Variants in ZNF385D observed in about 807,000 individuals in gnomAD.
The protein encoded by ZNF385D is zinc finger protein 385D.
A neutral mutation model predicts 35.8 loss-of-function variants in ZNF385D; 15 were observed. The observed-to-expected ratio is 0.42, with a 90% CI of 0.28 to 0.64. The LOEUF (loss-of-function observed/expected upper bound fraction) is 0.64. Ranked by LOEUF, ZNF385D falls within the 30% of genes least tolerant of loss-of-function variation. ZNF385D has a pLI of 0.23. For missense variants in ZNF385D, 474 were observed against 494.6 expected, an observed-to-expected ratio of 0.96 and a Z score of 0.39; for synonymous variants, 212 against 186.8, an observed-to-expected ratio of 1.13 and a Z score of -1.10.
chr3:22,028,942 T>A (rs1398149544), intron 3 of ZNF385D, among the ~76,000 whole-genome samples: 2 of 152,184 alleles, frequency 1.3e-5, no homozygotes, highest in Admixed American at 6.5e-5. Flanking sequence ...TATATGGTAC[T>A]GTTTCTCCCA....
At chr3:21,811,711 G>A (rs1287121659) in intron 3 of ZNF385D, among the ~76,000 whole-genome samples, 1 of 152,120 alleles carries the variant, frequency 6.6e-6, no homozygotes, top group Non-Finnish European at 1.5e-5. Flanking sequence ...AACACTTGAT[G>A]AGGAAAATTA....
intron 3 of ZNF385D, among the ~76,000 whole-genome samples, chr3:22,167,174 T>G (rs1040725924): frequency 2.6e-5 from 4 of 152,182 alleles, no homozygotes; most frequent in Non-Finnish European, 5.9e-5. Flanking sequence ...AGAATCTGTC[T>G]TCCCATCTGG....
intron 1 of ZNF385D, among the ~76,000 whole-genome samples, chr3:21,681,298 T>TTAA (rs367942289): frequency 3.1e-5 from 2 of 64,486 alleles, no homozygotes; most frequent in African/African-American, 1.1e-4. Context: ...ATTCCATCAG[T>TTAA]AAAAAAAAAA....
intron 3 of ZNF385D, among the ~76,000 whole-genome samples, chr3:22,146,354 C>T (rs980419658): frequency 6.6e-6 from 1 of 152,070 alleles, no homozygotes; most frequent in African/African-American, 2.4e-5. Context: ...TTCCCATTAC[C>T]ATCATTAACT....
chr3:21,458,094 G>C (rs1216828895), intron 4 of ZNF385D, among the ~76,000 whole-genome samples: 1 of 152,022 alleles, frequency 6.6e-6, no homozygotes, highest in African/African-American at 2.4e-5. Context: ...TAGCAATGCA[G>C]GGCAAAAAGA....
At chr3:21,564,822 G>GAAAC (rs2063084522) in intron 2 of ZNF385D, 138 bp from the exon 3 acceptor site, 2 of 418,102 alleles carry the variant, frequency 4.8e-6, no homozygotes, top group Admixed American at 8.7e-5. Flanking sequence ...TTTATTCTAA[G>GAAAC]AAACAACATT....
At chr3:21,784,215 T>C (rs1044542276) in intron 3 of ZNF385D, among the ~76,000 whole-genome samples, 1 of 152,168 alleles carries the variant, frequency 6.6e-6, no homozygotes, top group Non-Finnish European at 1.5e-5. Flanking sequence ...GGCTTCAAAA[T>C]CCATGTTTAA....
chr3:22,143,982 C>T (rs1559404535), intron 3 of ZNF385D, among the ~76,000 whole-genome samples: 3 of 152,068 alleles, frequency 2.0e-5, no homozygotes, highest in Admixed American at 1.3e-4. Context: ...TAAGTATTGT[C>T]AGCTACATTT....
At chr3:21,478,998 G>T (rs1704422668) in intron 4 of ZNF385D, among the ~76,000 whole-genome samples, 1 of 151,630 alleles carries the variant, frequency 6.6e-6, no homozygotes, top group Non-Finnish European at 1.5e-5. Context: ...TAATCATAAA[G>T]AAATATATAA....
At chr3:21,742,877 C>T (rs1174573595) in intron 1 of ZNF385D, among the ~76,000 whole-genome samples, 5 of 152,132 alleles carry the variant, frequency 3.3e-5, no homozygotes, top group Non-Finnish European at 7.3e-5. Flanking sequence ...TAGTTTGACC[C>T]CAACAGGCAA....
chr3:22,174,411 A>C (rs1321261340), intron 2 of ZNF385D, among the ~76,000 whole-genome samples: 3 of 151,758 alleles, frequency 2.0e-5, no homozygotes, highest in Non-Finnish European at 4.4e-5. Flanking sequence ...AGCCACTAAC[A>C]GACAGTTTAG....
chr3:22,183,602 C>A lies in ZNF385D; in HGVS notation c.107-14567G>T, dbSNP rs190328774. On this transcript the variant is annotated intron_variant, in intron 2 of 5. Coordinates refer to the ZNF385D transcript ENST00000494108. ...CAAACTCCTGACCTCGTGATTCACC[C>A]GCCTCGGCCTCCCGAGAATGGAAAG... Among the ~76,000 whole-genome samples, 29 of 152,130 alleles carry A rather than the reference C, an allele frequency of 1.9e-4. No individual in the cohort carries two copies. In the East Asian group the frequency reaches 3.9e-3, roughly 20 times the overall value.
rs869252663 is a variant in ZNF385D, at chr3:21,711,039, G to GTT, written c.22+39854_22+39855dup. ...TCTTAATTTCCTTATCCCTCTAAAA[G>GTT]TTTTTTTTTTTTTTTTTTTTGAGAT... On this transcript the variant is annotated intron_variant, in intron 1 of 7. Transcript: ENST00000281523. Among the ~76,000 whole-genome samples, 54 of 83,128 alleles carry GTT rather than the reference G, an allele frequency of 6.5e-4. 6 individuals carry two copies. The highest frequency in any genetic ancestry group is 1.1e-3 in the African/African-American group (22 of 19,484). The allele number at this position is 83,128 out of a possible 152,430, so 54.5% of individuals were successfully genotyped here.
chr3:21,571,747 G>A (rs890502296), intron 2 of ZNF385D, among the ~76,000 whole-genome samples: 3 of 152,098 alleles, frequency 2.0e-5, no homozygotes, highest in African/African-American at 4.8e-5. Flanking sequence ...TTGCTAGAAT[G>A]ACTTATATGG....
chr3:21,789,997 C>G (rs773144252), intron 3 of ZNF385D, among the ~76,000 whole-genome samples: 4 of 152,076 alleles, frequency 2.6e-5, no homozygotes, highest in Non-Finnish European at 5.9e-5. Context: ...TGTTACTAGC[C>G]TCAGATAGAT....
chr3:21,612,106 T>G (rs1441624240), intron 2 of ZNF385D, among the ~76,000 whole-genome samples: 1 of 152,024 alleles, frequency 6.6e-6, no homozygotes, highest in Non-Finnish European at 1.5e-5. Flanking sequence ...TGAGATGGAG[T>G]GTCGCTCTGT....
At chr3:22,305,942 A>C (rs1703186115) in intron 2 of ZNF385D, among the ~76,000 whole-genome samples, 1 of 152,182 alleles carries the variant, frequency 6.6e-6, no homozygotes, top group African/African-American at 2.4e-5. Flanking sequence ...CTAGGTTAGC[A>C]CTAATTTTTC....
rs117679696 is a variant in ZNF385D, at chr3:22,104,083, T to G, written c.325+64734A>C. 5.1e-3 allele frequency among the ~76,000 whole-genome samples: 771 copies of G among 152,220 alleles called. 26 individuals are homozygous for G. The East Asian group carries it at 0.091, about 18-fold the overall frequency. ...GGAGTGAGGGACGTATGTGAGAACT[T>G]GTTATCTTTTCCTTTGAAAGGTGTC... On this transcript the variant is annotated intron_variant, in intron 3 of 5. Transcript: ENST00000494108.
At chr3:22,001,910 TATAAC>T (rs548770991) in intron 3 of ZNF385D, among the ~76,000 whole-genome samples, 18 of 151,946 alleles carry the variant, frequency 1.2e-4, no homozygotes, top group African/African-American at 3.1e-4. Context: ...AAAATGGAAA[TATAAC>T]ATACTAAATC....
Sources: gnomAD v4.1 joint callset for allele counts (sites outside exome capture counted in the v4.1 genomes callset) on GRCh38, gnomAD v4.1.1 for gene constraint, MANE v1.5 for transcripts, NCBI Gene and HGNC (gene_info 2026-07-23, HGNC 2026-07-21) for gene names.